GPBP1L1: variants seen among roughly 807,000 people sequenced by gnomAD.
GPBP1L1 encodes the protein GC-rich promoter binding protein 1 like 1.
A neutral mutation model predicts 52.5 loss-of-function variants in GPBP1L1; 23 were observed. That is an observed-to-expected ratio of 0.44 (90% CI 0.32 to 0.62). GPBP1L1 has a LOEUF of 0.62. GPBP1L1 is among the 20% of genes least tolerant of loss of function. The pLI is 0.06. For missense variants in GPBP1L1, 596 were observed against 579.3 expected (o/e 1.03, Z -0.30); for synonymous variants, 243 against 203.1 (o/e 1.20, Z -1.67).
At position 45,628,117 on chromosome 1, in the gene GPBP1L1, T is replaced by C; in HGVS notation, c.*139A>G. 1.2e-6 allele frequency: 1 copy of C among 845,436 alleles called. No individual in the cohort carries two copies. The highest frequency in any genetic ancestry group is 1.7e-5 in the South Asian group (1 of 59,502). The allele number at this position is 845,436 out of a possible 1,614,324, so 52.4% of individuals were successfully genotyped here. A position where few individuals can be genotyped will look rare whatever the true frequency, so the allele number is the denominator to read the frequency against. On this transcript the variant is annotated 3_prime_UTR_variant, in exon 13 of 13. Coordinates refer to ENST00000355105, the MANE Select transcript of GPBP1L1 (RefSeq NM_021639.5). ...AACAAAAGCAAAACAAGCCAATTGC[T>C]CTCTCTTTGGGATATGATTATTTCC...
At chr1:45,662,163 C>T (rs941018431) in intron 2 of GPBP1L1, among the ~76,000 whole-genome samples, 1 of 152,072 alleles carries the variant, frequency 6.6e-6, no homozygotes, top group African/African-American at 2.4e-5. Flanking sequence ...AGGGTCTCAC[C>T]CTATTGCCTA....
At chr1:45,664,687 TG>T (rs1644989278) in intron 2 of GPBP1L1, among the ~76,000 whole-genome samples, 1 of 152,126 alleles carries the variant, frequency 6.6e-6, no homozygotes, top group African/African-American at 2.4e-5. Flanking sequence ...TGTTTTGTTT[TG>T]TTTTTGAGAT....
At position 45,654,631 on chromosome 1, in the gene GPBP1L1, C is replaced by T. The variant is rs752757319; in HGVS notation, c.389G>A (p.Cys130Tyr). ...WNGSFHSRKG[C>Y]AFQEKPPMEI... ...CATAGGTGGCTTTTCCTGAAAAGCA[C>T]ACCCTTTCCGGGAGTGGAAGCTGCC... is the stretch of plus-strand genomic sequence containing the variant. The change falls in exon 6 of 13, where the codon TGT (cysteine) becomes TAT (tyrosine). Residue 130 changes from cysteine to tyrosine, a missense_variant. Cys to Tyr is a radical substitution (Grantham distance 194). Coordinates refer to ENST00000355105, the MANE Select transcript of GPBP1L1 (RefSeq NM_021639.5). 3.1e-6 allele frequency: 5 copies of T among 1,614,170 alleles called. No individual in the cohort carries two copies. Among genetic ancestry groups the T allele is most frequent in the Non-Finnish European group, 4.2e-6 (5 of 1,180,012 alleles).
At chr1:45,652,146 T>G (rs1424604656) in intron 6 of GPBP1L1, among the ~76,000 whole-genome samples, 1 of 152,202 alleles carries the variant, frequency 6.6e-6, no homozygotes, top group African/African-American at 2.4e-5. Context: ...TAGGTGATAT[T>G]AACACTAACC....
intron 6 of GPBP1L1, among the ~76,000 whole-genome samples, chr1:45,653,517 A>G (rs1245817685): frequency 6.6e-6 from 1 of 151,936 alleles, no homozygotes; most frequent in Non-Finnish European, 1.5e-5. Flanking sequence ...CATCATGCCC[A>G]GCTAATTTTT....
In GPBP1L1 at chr1:45,659,379, G is replaced by A. The variant is rs544967324; in HGVS notation, c.-55-237C>T. On this transcript the variant is annotated intron_variant, in intron 3 of 12. Coordinates refer to ENST00000355105, the MANE Select transcript of GPBP1L1 (RefSeq NM_021639.5). Reference sequence around the variant, plus strand: ...CATGAGCCTGGAAGATTTATTTTTTGGAGAGGAAGGGTCTTGCTATGTTGC... The same window carrying A: ...CATGAGCCTGGAAGATTTATTTTTTAGAGAGGAAGGGTCTTGCTATGTTGC... Among the ~76,000 whole-genome samples the A allele has an allele frequency of 4.6e-5, 7 of 152,232 alleles. No individual in the cohort carries two copies. In the South Asian group the frequency reaches 1.5e-3, roughly 32 times the overall value.
intron 2 of GPBP1L1, among the ~76,000 whole-genome samples, chr1:45,662,611 T>C (rs558554895): frequency 4.3e-4 from 65 of 152,256 alleles, no homozygotes; most frequent in African/African-American, 1.5e-3. Flanking sequence ...AAATTCAGGA[T>C]AGTAAGTATC....
intron 11 of GPBP1L1, among the ~76,000 whole-genome samples, chr1:45,629,939 G>A (rs1186697877): frequency 6.6e-6 from 1 of 151,570 alleles, no homozygotes; most frequent in African/African-American, 2.4e-5. Context: ...AAGAAAGAGA[G>A]CACTTGCAGT....
At chr1:45,685,669 G>A (rs1469455328) in intron 1 of GPBP1L1, 49 bp from the exon 2 acceptor site, 2 of 152,232 alleles carry the variant, frequency 1.3e-5, no homozygotes, top group Non-Finnish European at 2.9e-5. Context: ...CCCCACAGGG[G>A]AAAGGACTAA....
intron 11 of GPBP1L1, 72 bp downstream of exon 11, chr1:45,630,410 A>T: frequency 6.5e-7 from 1 of 1,538,366 alleles, no homozygotes; most frequent in Non-Finnish European, 8.9e-7. Flanking sequence ...TCTATCTGAG[A>T]TATCTTCTCC....
Position 45,654,683 on chromosome 1 carries a change from C to T in GPBP1L1, c.337G>A (p.Gly113Ser). The T allele has an allele frequency of 6.2e-7, 1 of 1,614,172 alleles. No individual in the cohort carries two copies. Among genetic ancestry groups the T allele is most frequent in the Admixed American group, 1.7e-5 (1 of 60,016 alleles). Residue 113 changes from glycine (G) to serine (S), a missense_variant, in exon 6 of 13, where the codon GGC becomes AGC. Physicochemically the swap from Gly to Ser is moderately conservative, Grantham distance 56 (BLOSUM62 0). Coordinates refer to ENST00000355105, the MANE Select transcript of GPBP1L1 (RefSeq NM_021639.5). Reference sequence around the variant, plus strand: ...TTCCAATGGCGATGGTTCCCTGTGCCACCTCCACTACGTTGGCTCATGCCA... The same window carrying T: ...TTCCAATGGCGATGGTTCCCTGTGCTACCTCCACTACGTTGGCTCATGCCA... ...HDGMSQRSGGGTGNHRHWNGS... is the reference protein window; with the variant it reads ...HDGMSQRSGGSTGNHRHWNGS...
At chr1:45,634,728 T>TC (rs1644572902) in intron 8 of GPBP1L1, 1 of 153,126 alleles carries the variant, frequency 6.5e-6, no homozygotes, top group Admixed American at 6.5e-5. Context: ...AAAGGCTAGT[T>TC]CCAGGCCAGG....
intron 6 of GPBP1L1, chr1:45,645,981 G>T (rs1644740254): frequency 5.9e-6 from 3 of 505,070 alleles, no homozygotes; most frequent in South Asian, 4.3e-5. Context: ...CAAAGCTGGG[G>T]CTCTACACTT....
chr1:45,629,040 C>G (rs1156238807), intron 12 of GPBP1L1, among the ~76,000 whole-genome samples: 2 of 152,148 alleles, frequency 1.3e-5, no homozygotes, highest in Non-Finnish European at 2.9e-5. Context: ...AAGGACTTGG[C>G]CAATTGTGCT....
In GPBP1L1 at chr1:45,655,485, A is replaced by C. The variant is rs1644874811; in HGVS notation, c.61-166T>G. On this transcript the variant is annotated intron_variant, in intron 4 of 12. Coordinates refer to ENST00000355105, the MANE Select transcript of GPBP1L1 (RefSeq NM_021639.5). ...GGGTACCCACAGGTGCCTAATTTAG[A>C]GAAGTCCTAGGTTATATATTCAATT... The C allele has an allele frequency of 1.1e-5, 7 of 652,946 alleles. No homozygotes were observed. In the South Asian group the frequency reaches 1.4e-4, roughly 13 times the overall value. The allele number at this position is 652,946 out of a possible 1,614,324, so 40.4% of individuals were successfully genotyped here. A position where few individuals can be genotyped will look rare whatever the true frequency, so the allele number is the denominator to read the frequency against.
intron 6 of GPBP1L1, chr1:45,646,004 TG>T (rs1387090651): frequency 3.5e-5 from 18 of 507,906 alleles, no homozygotes; most frequent in Non-Finnish European, 7.0e-5. Context: ...TTAGCCTGCC[TG>T]TGAGGTTCAC....
chr1:45,651,863 C>T (rs1644823579), intron 6 of GPBP1L1: 1 of 229,246 alleles, frequency 4.4e-6, no homozygotes, highest in Non-Finnish European at 8.5e-6. Flanking sequence ...TTATTTTTGA[C>T]TCTTCCTTCT....
In GPBP1L1 at chr1:45,660,475, A is replaced by C; in HGVS notation, c.-347T>G. 1 of 981,824 alleles carries C rather than the reference A, an allele frequency of 1.0e-6. No individual in the cohort carries two copies. Among genetic ancestry groups the C allele is most frequent in the Non-Finnish European group, 1.2e-6 (1 of 826,668 alleles). 60.8% of individuals were successfully genotyped at this position (981,824 alleles called of 1,614,324 possible). A position where few individuals can be genotyped will look rare whatever the true frequency, so the allele number is the denominator to read the frequency against. ...TTTAAAAAGGGGGGGAAGGGGAAAG[A>C]GCTGTATCTATGTTCACCTCATTCA... On this transcript the variant is annotated 5_prime_UTR_variant, in exon 3 of 13. Transcript: ENST00000355105.
At chr1:45,682,638 A>AT (rs1282405528) in intron 2 of GPBP1L1, among the ~76,000 whole-genome samples, 1 of 152,216 alleles carries the variant, frequency 6.6e-6, no homozygotes, top group Admixed American at 6.5e-5. Context: ...AAAATAAATG[A>AT]TTGAGCTGTT....
Sources: allele counts gnomAD v4.1 joint callset (sites outside exome capture counted in the v4.1 genomes callset), GRCh38; gene constraint gnomAD v4.1.1; transcripts MANE v1.5; gene names NCBI Gene and HGNC (gene_info 2026-07-23, HGNC 2026-07-21).